The following CALR3 variants were observed in gnomAD, a reference collection of about 807,000 sequenced individuals.
CALR3 encodes the protein calreticulin-3.
Under a neutral mutation model 48.7 loss-of-function variants are expected in CALR3, and 39 were observed. The ratio of observed to expected loss-of-function variants is 0.80; its 90% CI spans 0.62 to 1.05. The LOEUF (loss-of-function observed/expected upper bound fraction) is 1.05, where lower values mean the gene tolerates loss of function less well. CALR3 is among the 50% of genes least tolerant of loss of function. The pLI is 0.00. For synonymous variants in CALR3, 185 were observed against 172.7 expected, an observed-to-expected ratio of 1.07 and a Z score of -0.56; for missense variants, 449 against 474.7, an observed-to-expected ratio of 0.95 and a Z score of 0.50.
At chr19:16,486,351 G>A (rs559927913) in intron 3 of CALR3, among the ~76,000 whole-genome samples, 49 of 150,806 alleles carry the variant, frequency 3.2e-4, no homozygotes, top group Non-Finnish European at 5.2e-4. Flanking sequence ...GCTGGGCATG[G>A]TGGCTCACGG....
rs2093387158 is a variant in CALR3, at chr19:16,485,039, A to G, written c.492+124T>C. 3 of 704,432 alleles carry G rather than the reference A, an allele frequency of 4.3e-6. No homozygotes were observed. The South Asian group carries it at 4.8e-5, about 11-fold the overall frequency. 43.6% of individuals were successfully genotyped at this position (704,432 alleles called of 1,614,324 possible). On this transcript the variant is annotated intron_variant, in intron 4 of 8. Coordinates refer to ENST00000269881, the MANE Select transcript of CALR3 (RefSeq NM_145046.5). ...GGGCCCCCTAAACTGGAAACTGGAA[A>G]CAGGAGGTATGTCTACAAAGACCCA... is the stretch of plus-strand genomic sequence containing the variant.
chr19:16,480,512 A>G, intron 8 of CALR3, 102 bp downstream of exon 8: 1 of 775,914 alleles, frequency 1.3e-6, no homozygotes, highest in Non-Finnish European at 2.3e-6. Flanking sequence ...AGACTATGCC[A>G]CTACATTACA....
chr19:16,483,261 T>A (rs2093383841), intron 5 of CALR3, among the ~76,000 whole-genome samples: 1 of 152,142 alleles, frequency 6.6e-6, no homozygotes, highest in South Asian at 2.1e-4. Context: ...GGCCAAGTGC[T>A]TGGTGCTTCC....
At chr19:16,492,631 C>T (rs1285313086) in intron 2 of CALR3, among the ~76,000 whole-genome samples, 3 of 151,426 alleles carry the variant, frequency 2.0e-5, no homozygotes, top group East Asian at 1.9e-4. Flanking sequence ...TTTGGGAGGC[C>T]GAGGCGGGAG....
At position 16,490,446 on chromosome 19, in the gene CALR3, T is replaced by G. The variant is rs773929973; in HGVS notation, c.318A>C (p.Gly106=). 2.5e-6 allele frequency: 4 copies of G among 1,614,186 alleles called. No individual in the cohort carries two copies. The South Asian group carries it at 4.4e-5, about 18-fold the overall frequency. The change falls in exon 3 of 9, where the codon GGA becomes GGC. Residue 106 remains glycine, a synonymous_variant. Transcript: ENST00000269881. ...CAGGAAAGACCTTAATGTAGCCCCC[T>G]CCACAGTCCATCTTCTGCTCATGTT... ...TVKHEQKMDC[G]GGYIKVFPAD...
chr19:16,483,809 AG>A, intron 5 of CALR3, 120 bp downstream of exon 5: 2 of 902,744 alleles, frequency 2.2e-6, no homozygotes, highest in South Asian at 2.9e-5. Context: ...TGCTCTGGGG[AG>A]GGCATTTGGT....
intron 5 of CALR3, 76 bp downstream of exon 5, chr19:16,483,854 C>T (rs2122130837): frequency 1.4e-6 from 2 of 1,474,286 alleles, no homozygotes; most frequent in East Asian, 4.8e-5. Context: ...ACCAGCCATG[C>T]AGCAATTGTC....
chr19:16,490,052 A>C (rs1158078554), intron 3 of CALR3, among the ~76,000 whole-genome samples: 2 of 152,274 alleles, frequency 1.3e-5, no homozygotes, highest in South Asian at 2.1e-4. Context: ...AAAATCCAAA[A>C]AAAATTTCCA....
chr19:16,480,634 C>T lies in CALR3; in HGVS notation c.991G>A (p.Ala331Thr), dbSNP rs976932635. ...DEEYADNFGKATWGETKGPER... is the reference protein window; with the variant it reads ...DEEYADNFGKTTWGETKGPER... ...CATACCTTGGTTTCGCCCCAGGTGG[C>T]CTTGCCAAAATTATCTGCGTACTCT... The change falls in exon 8 of 9, where the codon GCC (alanine) becomes ACC (threonine). Residue 331 changes from alanine to threonine, a missense_variant. By Grantham distance (58) the Ala-to-Thr change is moderately conservative. Coordinates refer to ENST00000269881, the MANE Select transcript of CALR3 (RefSeq NM_145046.5). 1.2e-6 allele frequency: 2 copies of T among 1,613,416 alleles called. No homozygotes were observed. The highest frequency in any genetic ancestry group is 1.7e-6 in the Non-Finnish European group (2 of 1,179,368).
intron 2 of CALR3, 114 bp from the exon 3 acceptor site, chr19:16,490,684 A>G: frequency 3.4e-6 from 3 of 885,980 alleles, no homozygotes; most frequent in Non-Finnish European, 5.6e-6. Context: ...AACCATTTAC[A>G]GTGATCTACA....
chr19:16,490,627 GGA>G, intron 2 of CALR3, 57 bp from the exon 3 acceptor site: 3 of 1,481,586 alleles, frequency 2.0e-6, no homozygotes, highest in Non-Finnish European at 2.8e-6. Context: ...AAGTAACGCA[GGA>G]AGTTAAATCG....
At chr19:16,483,112 T>C (rs2093383653) in intron 5 of CALR3, among the ~76,000 whole-genome samples, 1 of 152,090 alleles carries the variant, frequency 6.6e-6, no homozygotes, top group African/African-American at 2.4e-5. Context: ...CTGGAAGTGC[T>C]GGTATTACAG....
intron 2 of CALR3, among the ~76,000 whole-genome samples, chr19:16,495,472 T>A (rs1430500980): frequency 6.8e-6 from 1 of 147,580 alleles, no homozygotes; most frequent in Non-Finnish European, 1.5e-5. Context: ...GGCAGGAGAA[T>A]TGCTTGAACC....
chr19:16,479,556 C>G (rs2093377273), intron 8 of CALR3, among the ~76,000 whole-genome samples: 1 of 150,690 alleles, frequency 6.6e-6, no homozygotes, highest in Admixed American at 6.6e-5. Context: ...CTACTGCACT[C>G]CATCCTGGGC....
chr19:16,479,932 C>A (rs371372661), intron 8 of CALR3, among the ~76,000 whole-genome samples: 2 of 151,926 alleles, frequency 1.3e-5, no homozygotes, highest in African/African-American at 4.8e-5. Flanking sequence ...TGGCTGGGCG[C>A]GGTGGCTCAC....
rs1306388185 is a variant in CALR3 at position 16,496,134 on chromosome 19, G to A, written c.-5C>T. ...CTGGACCAAAGCCCGGGCCATGGGG[G>A]TGTGCACTGCGCTTCCGGTCGCCGC... On this transcript the variant is annotated 5_prime_UTR_variant, in exon 1 of 9. Coordinates refer to ENST00000269881, the MANE Select transcript of CALR3 (RefSeq NM_145046.5). The A allele has an allele frequency of 1.9e-6, 3 of 1,595,544 alleles. No homozygotes were observed. Among genetic ancestry groups the A allele is most frequent in the Non-Finnish European group, 2.6e-6 (3 of 1,171,122 alleles).
chr19:16,485,805 TG>T (rs1599718968), intron 3 of CALR3, among the ~76,000 whole-genome samples: 1 of 150,688 alleles, frequency 6.6e-6, no homozygotes, highest in East Asian at 2.0e-4. Context: ...ATTACAGGCA[TG>T]TACCACCAGG....
chr19:16,484,953 G>A (rs2093387032), intron 4 of CALR3, among the ~76,000 whole-genome samples: 1 of 152,130 alleles, frequency 6.6e-6, no homozygotes, highest in African/African-American at 2.4e-5. Flanking sequence ...AAAAATGAGA[G>A]TGCCCTCCTG....
chr19:16,482,614 A>G, intron 6 of CALR3, 33 bp from the exon 7 acceptor site: 1 of 1,614,122 alleles, frequency 6.2e-7, no homozygotes, highest in Non-Finnish European at 8.5e-7. Context: ...GGTGGTCTCA[A>G]TGACATGGGC....
Sources: allele counts gnomAD v4.1 joint callset (sites outside exome capture counted in the v4.1 genomes callset), GRCh38; gene constraint gnomAD v4.1.1; transcripts MANE v1.5; gene names NCBI Gene and HGNC (gene_info 2026-07-23, HGNC 2026-07-21).